The following SLC9A6 variants were observed in gnomAD, a reference collection of about 807,000 sequenced individuals.
The protein encoded by SLC9A6 is sodium/hydrogen exchanger 6.
A neutral mutation model predicts 45.3 loss-of-function variants in SLC9A6; 6 were observed. The observed-to-expected ratio is 0.13, with a 90% CI of 0.07 to 0.26. The LOEUF is 0.26. Among genes scored for constraint, SLC9A6 ranks in the 10% least tolerant of loss-of-function variants. SLC9A6 has a pLI of 1.00. For synonymous variants in SLC9A6, 191 were observed against 187.7 expected, an observed-to-expected ratio of 1.02 and a Z score of -0.14; for missense variants, 278 against 503.7, an observed-to-expected ratio of 0.55 and a Z score of 4.29.
chrX:136,040,303 A>C (rs2071485794), intron 17 of SLC9A6, 122 bp downstream of exon 17: 25 of 524,173 alleles, frequency 4.8e-5, no homozygotes. Flanking sequence ...AAATTCCATG[A>C]AAGGGAATTT....
chrX:136,022,066 C>T (rs2071135653), intron 11 of SLC9A6, among the ~76,000 whole-genome samples: 1 of 111,611 alleles, frequency 9.0e-6, no homozygotes, highest in African/African-American at 3.3e-5. Flanking sequence ...GACTGGTAGC[C>T]ATTTTAGTGC....
Position 136,010,230 on chromosome X carries a change from C to T in SLC9A6, c.744-212C>T, listed in dbSNP as rs1356175933. On this transcript the variant is annotated intron_variant, in intron 7 of 17. Coordinates refer to ENST00000630721, the MANE Select transcript of SLC9A6 (RefSeq NM_001379110.1). ...GAGGATTTTACAATGTTCTACCCCCCCCCCGAAATTAACATTTAAGGGAAA... is the reference window on the plus strand; with the variant it reads ...GAGGATTTTACAATGTTCTACCCCCTCCCCGAAATTAACATTTAAGGGAAA... 2.7e-5 allele frequency: 9 copies of T among 330,439 alleles called. 2 individuals carry two copies. The highest frequency in any genetic ancestry group is 4.3e-5 in the Non-Finnish European group (8 of 185,080). 27.2% of individuals were successfully genotyped at this position (330,439 alleles called of 1,213,427 possible).
At chrX:136,010,308 C>T in intron 7 of SLC9A6, 134 bp from the exon 8 acceptor site, 2 of 593,444 alleles carry the variant, frequency 3.4e-6, no homozygotes, top group Non-Finnish European at 2.5e-6. Flanking sequence ...GTAATTTTGT[C>T]CTTATTTTGG....
At chrX:136,042,009 T>C (rs2071520151) in intron 17 of SLC9A6, among the ~76,000 whole-genome samples, 1 of 110,445 alleles carries the variant, frequency 9.1e-6, no homozygotes, top group South Asian at 3.9e-4. Context: ...AAATTTCTCC[T>C]ATTCATAAGG....
At chrX:136,000,219 A>G (rs1270706884) in intron 6 of SLC9A6, among the ~76,000 whole-genome samples, 1 of 93,592 alleles carries the variant, frequency 1.1e-5, no homozygotes, top group Non-Finnish European at 2.1e-5. Context: ...CTGCAGTCTC[A>G]TTCTGCCTGG....
At chrX:136,026,211 C>T (rs782037674) in intron 13 of SLC9A6, among the ~76,000 whole-genome samples, 199 of 111,776 alleles carry the variant, frequency 1.8e-3, no homozygotes, top group Non-Finnish European at 2.6e-3. Flanking sequence ...TCCCTCCCCC[C>T]AAATTTGTCT....
chrX:136,024,755 A>G (rs1193433538), intron 13 of SLC9A6, among the ~76,000 whole-genome samples: 1 of 111,872 alleles, frequency 8.9e-6, no homozygotes, highest in Non-Finnish European at 1.9e-5. Flanking sequence ...TTGTAGCCTG[A>G]TTTTTAAATG....
intron 1 of SLC9A6, among the ~76,000 whole-genome samples, chrX:135,976,304 G>T (rs1246922228): frequency 1.8e-5 from 2 of 111,972 alleles, no homozygotes; most frequent in African/African-American, 6.5e-5. Flanking sequence ...AGAAAAGATA[G>T]TTGACCAAAA....
intron 6 of SLC9A6, among the ~76,000 whole-genome samples, chrX:136,000,045 C>T (rs1556617157): frequency 1.9e-5 from 2 of 107,655 alleles, no homozygotes; most frequent in Admixed American, 1.0e-4. Flanking sequence ...ACTGTGAGTT[C>T]GAGACCAGCC....
intron 7 of SLC9A6, among the ~76,000 whole-genome samples, chrX:136,004,524 C>T (rs964389451): frequency 8.9e-6 from 1 of 111,893 alleles, no homozygotes; most frequent in African/African-American, 3.2e-5. Flanking sequence ...CCTTAATTTT[C>T]ACTTTGTTAG....
intron 16 of SLC9A6, among the ~76,000 whole-genome samples, chrX:136,037,683 G>A (rs2071434404): frequency 8.9e-6 from 1 of 111,945 alleles, no homozygotes; most frequent in East Asian, 2.8e-4. Flanking sequence ...TGATTCTTCT[G>A]CCTCAGCCTC....
intron 7 of SLC9A6, among the ~76,000 whole-genome samples, chrX:136,006,564 A>G (rs2089659437): frequency 9.3e-6 from 1 of 107,275 alleles, no homozygotes; most frequent in Non-Finnish European, 1.9e-5. Context: ...GTGAAGTGAA[A>G]TTGACTCCCT....
At chrX:135,990,904 A>T (rs782402344) in intron 2 of SLC9A6, among the ~76,000 whole-genome samples, 2 of 112,043 alleles carry the variant, frequency 1.8e-5, no homozygotes, top group African/African-American at 6.5e-5. Context: ...ATATAAGAGG[A>T]CAGCTTTTAC....
chrX:136,000,625 T>C (rs143490741), intron 6 of SLC9A6, among the ~76,000 whole-genome samples: 41 of 112,339 alleles, frequency 3.6e-4, no homozygotes, highest in African/African-American at 1.3e-3. Flanking sequence ...TTATATAAAG[T>C]TGGACTGTTA....
At position 136,044,669 on chromosome X, in the gene SLC9A6, A is replaced by C; in HGVS notation, c.1985A>C (p.Asp662Ala). 8.3e-7 allele frequency: 1 copy of C among 1,210,466 alleles called. No homozygotes were observed. The highest frequency in any genetic ancestry group is 2.2e-5 in the Admixed American group (1 of 45,937). ...IRGTRLVLPM[D>A]DSEPPLNLLD... Reference sequence around the variant, plus strand: ...GGAACACGCCTGGTTCTTCCAATGGATGATTCTGAACCCCCGCTAAATTTG... The same window carrying C: ...GGAACACGCCTGGTTCTTCCAATGGCTGATTCTGAACCCCCGCTAAATTTG... Residue 662 changes from aspartate (D) to alanine (A), a missense_variant, in exon 18 of 18, where the codon GAT (aspartate) becomes GCT (alanine). This residue lies in a region of SLC9A6 where 91 missense variants were observed against 125.1 expected (regional missense o/e 0.73). Transcript: ENST00000630721.
At chrX:135,976,906 T>C (rs2089266016) in intron 1 of SLC9A6, among the ~76,000 whole-genome samples, 1 of 112,121 alleles carries the variant, frequency 8.9e-6, no homozygotes, top group Non-Finnish European at 1.9e-5. Flanking sequence ...CAAGAGAAAC[T>C]AGCCTCGTTT....
intron 7 of SLC9A6, among the ~76,000 whole-genome samples, chrX:136,008,259 G>A (rs1218299402): frequency 9.0e-6 from 1 of 110,749 alleles, no homozygotes; most frequent in Non-Finnish European, 1.9e-5. Flanking sequence ...TCTTGAGATG[G>A]AATTTTGTTC....
At chrX:135,986,172 G>C (rs2089337266) in intron 2 of SLC9A6, among the ~76,000 whole-genome samples, 1 of 110,384 alleles carries the variant, frequency 9.1e-6, no homozygotes, top group Non-Finnish European at 1.9e-5. Context: ...TGGGCTGGGG[G>C]CTGGGGGAGG....
At chrX:136,023,165 A>G (rs1272455401) in intron 12 of SLC9A6, among the ~76,000 whole-genome samples, 56 of 1,186 alleles carry the variant, frequency 0.047, 1 homozygote, top group Non-Finnish European at 0.073. Context: ...AAGAAAATGT[A>G]TATATATATA....
Sources: gnomAD v4.1 joint callset for allele counts (sites outside exome capture counted in the v4.1 genomes callset) on GRCh38, gnomAD v4.1.1 for gene constraint, gnomAD v4.1.1 regional missense constraint, MANE v1.5 for transcripts, NCBI Gene and HGNC (gene_info 2026-07-23, HGNC 2026-07-21) for gene names.